AKAP9: variants seen among roughly 807,000 people sequenced by gnomAD.
AKAP9 encodes A-kinase anchoring protein 9, also known as A-kinase anchor protein 9.
AKAP9 carries 311 observed loss-of-function variants against 488.5 expected under a neutral mutation model. The ratio of observed to expected loss-of-function variants is 0.64; its 90% CI spans 0.58 to 0.70. AKAP9 has a LOEUF of 0.70. Ranked by LOEUF, AKAP9 falls within the 30% of genes least tolerant of loss-of-function variation. The pLI is 0.00. For synonymous variants in AKAP9, 1,462 were observed against 1,483.5 expected (o/e 0.99, Z 0.33); for missense variants, 4,215 against 4,374.5 (o/e 0.96, Z 1.03).
At chr7:91,980,495 C>CTTTTTTTTGTTTTTTT (rs1796258585) in intron 3 of AKAP9, among the ~76,000 whole-genome samples, 162 bp downstream of exon 3, 1 of 48,756 alleles carries the variant, frequency 2.1e-5, no homozygotes. Flanking sequence ...GTATTACTGA[C>CTTTTTTTTGTTTTTTT]TTTTTTTTTT....
chr7:92,075,645 G>A (rs114104516), intron 28 of AKAP9, among the ~76,000 whole-genome samples: 3,368 of 152,258 alleles, frequency 0.022, 143 homozygotes, highest in African/African-American at 0.077. Context: ...TCTCTGTGAC[G>A]TCCATCCTCA....
At chr7:92,102,857 A>G in intron 46 of AKAP9, 31 bp downstream of exon 46, 1 of 1,535,854 alleles carries the variant, frequency 6.5e-7, no homozygotes. Context: ...GCATTTTACT[A>G]GTAGACTCTC....
At chr7:92,088,037 A>T (rs1490884949) in intron 37 of AKAP9, among the ~76,000 whole-genome samples, 1 of 152,132 alleles carries the variant, frequency 6.6e-6, no homozygotes, top group Non-Finnish European at 1.5e-5. Context: ...TTCGCAACAG[A>T]TGCTAAAACT....
Position 92,065,213 on chromosome 7 carries a change from T to C in AKAP9, c.5978-18T>C. The C allele has an allele frequency of 6.8e-7, 1 of 1,471,664 alleles. No individual in the cohort carries two copies. Among genetic ancestry groups the C allele is most frequent in the East Asian group, 2.3e-5 (1 of 43,008 alleles). 91.2% of individuals were successfully genotyped at this position (1,471,664 alleles called of 1,614,324 possible). A position where few individuals can be genotyped will look rare whatever the true frequency, so the allele number is the denominator to read the frequency against. On this transcript the variant is annotated intron_variant, in intron 24 of 49. Coordinates refer to ENST00000356239, the MANE Select transcript of AKAP9 (RefSeq NM_005751.5). Reference sequence around the variant, plus strand: ...ATTAATTGTGATTTAATTCAGTATATTTTGTATTAATAAACAGAATTACTA... The same window carrying C: ...ATTAATTGTGATTTAATTCAGTATACTTTGTATTAATAAACAGAATTACTA...
At chr7:91,986,643 C>T (rs1174395875) in intron 3 of AKAP9, among the ~76,000 whole-genome samples, 1 of 152,064 alleles carries the variant, frequency 6.6e-6, no homozygotes, top group Non-Finnish European at 1.5e-5. Flanking sequence ...ATGGGAAATT[C>T]TTGTTATAAT....
intron 20 of AKAP9, 22 bp from the exon 21 acceptor site, chr7:92,044,986 C>T (rs1221080060): frequency 2.6e-6 from 4 of 1,561,766 alleles, no homozygotes; most frequent in Non-Finnish European, 3.5e-6. Flanking sequence ...ACATTTTAAT[C>T]AGTGCTTCTT....
At chr7:91,976,114 G>A (rs555990053) in intron 2 of AKAP9, among the ~76,000 whole-genome samples, 2 of 151,864 alleles carry the variant, frequency 1.3e-5, no homozygotes, top group South Asian at 4.2e-4. Flanking sequence ...GTAGAGATGG[G>A]GTTTCACCAT....
intron 45 of AKAP9, 58 bp downstream of exon 45, chr7:92,101,114 A>C: frequency 6.5e-7 from 1 of 1,535,128 alleles, no homozygotes; most frequent in Non-Finnish European, 8.9e-7. Flanking sequence ...GCCTTCTTTC[A>C]TCTCTCACTG....
chr7:91,996,519 A>G (rs1490853235), intron 7 of AKAP9, among the ~76,000 whole-genome samples: 1 of 152,086 alleles, frequency 6.6e-6, no homozygotes, highest in East Asian at 1.9e-4. Flanking sequence ...GGTCCTCTCC[A>G]TCCCTCTGGT....
rs1315219112 is a variant in AKAP9 at position 92,070,854 on chromosome 7, T to G, written c.6508-51T>G. The G allele has an allele frequency of 3.4e-6, 4 of 1,171,528 alleles. No homozygotes were observed. The East Asian group carries it at 1.0e-4, about 30-fold the overall frequency. The allele number at this position is 1,171,528 out of a possible 1,614,324, so 72.6% of individuals were successfully genotyped here. On this transcript the variant is annotated intron_variant, in intron 27 of 49. Coordinates refer to ENST00000356239, the MANE Select transcript of AKAP9 (RefSeq NM_005751.5). ...GACCAAAAAACAAAAAAAAACTGGATAATCAGGATTTAATTTATCAAATTT... is the reference window on the plus strand; with the variant it reads ...GACCAAAAAACAAAAAAAAACTGGAGAATCAGGATTTAATTTATCAAATTT...
rs1233431465 is a variant in AKAP9, at chr7:91,994,639, G to T, written c.595G>T (p.Ala199Ser). The change falls in exon 6 of 50, where the codon GCC (alanine) becomes TCC (serine). Residue 199 changes from alanine (A) to serine (S), a missense_variant. By Grantham distance (99) the Ala-to-Ser change is moderately conservative (BLOSUM62 1). Coordinates refer to ENST00000356239, the MANE Select transcript of AKAP9 (RefSeq NM_005751.5). The part of the protein sequence containing the change: ...GLQQLQEFEA[A>S]IKQRDGIITQ... ...CTTTCAGTTACAAGAATTTGAAGCTGCCATTAAACAAAGAGATGGCATTAT... is the reference window on the plus strand; with the variant it reads ...CTTTCAGTTACAAGAATTTGAAGCTTCCATTAAACAAAGAGATGGCATTAT... 3 of 1,612,498 alleles carry T rather than the reference G, an allele frequency of 1.9e-6. No homozygotes were observed. Among genetic ancestry groups the T allele is most frequent in the East Asian group, 2.2e-5 (1 of 44,734 alleles).
chr7:91,968,417 T>A (rs914027781), intron 1 of AKAP9, among the ~76,000 whole-genome samples: 7 of 152,198 alleles, frequency 4.6e-5, no homozygotes, highest in Admixed American at 2.0e-4. Context: ...GTAATGATTT[T>A]TGTATTTCTG....
At chr7:91,996,419 G>A (rs1429439969) in intron 7 of AKAP9, among the ~76,000 whole-genome samples, 1 of 151,990 alleles carries the variant, frequency 6.6e-6, no homozygotes, top group African/African-American at 2.4e-5. Context: ...ACTTGCCTGA[G>A]GCCACCCCAC....
At chr7:92,005,759 G>A (rs536353995) in intron 8 of AKAP9, among the ~76,000 whole-genome samples, 12 of 152,156 alleles carry the variant, frequency 7.9e-5, no homozygotes, top group African/African-American at 2.2e-4. Context: ...TCCGCCTCCC[G>A]GGTTCAATCA....
chr7:92,085,355 G>C (rs1485807887), intron 35 of AKAP9, 140 bp from the exon 36 acceptor site: 4 of 808,762 alleles, frequency 4.9e-6, no homozygotes, highest in Non-Finnish European at 6.1e-6. Context: ...CCCTCCACAG[G>C]AAGAAGGCAT....
At chr7:92,107,475 A>T in intron 48 of AKAP9, 53 bp downstream of exon 48, 4 of 1,564,766 alleles carry the variant, frequency 2.6e-6, no homozygotes, top group South Asian at 1.1e-5. Flanking sequence ...AATATTTAAC[A>T]GAGATAAATG....
intron 1 of AKAP9, among the ~76,000 whole-genome samples, chr7:91,951,937 A>G (rs1156360779): frequency 6.6e-6 from 1 of 152,170 alleles, no homozygotes; most frequent in East Asian, 1.9e-4. Flanking sequence ...TTTTCTTTCT[A>G]TTCTAATATT....
chr7:92,027,719 C>T (rs1364146391), intron 14 of AKAP9, among the ~76,000 whole-genome samples: 1 of 149,578 alleles, frequency 6.7e-6, no homozygotes, highest in Admixed American at 6.6e-5. Flanking sequence ...GTGAGGAGCG[C>T]CTCTGCCTGG....
chr7:92,073,915 CCCTAGAAGAAAA>C (rs1812141643), intron 28 of AKAP9, among the ~76,000 whole-genome samples: 1 of 152,160 alleles, frequency 6.6e-6, no homozygotes, highest in South Asian at 2.1e-4. Context: ...ACCATAAAAA[CCCTAGAAGAAAA>C]CCTAGGCAAT....
Sources: allele counts gnomAD v4.1 joint callset (sites outside exome capture counted in the v4.1 genomes callset), GRCh38; gene constraint gnomAD v4.1.1; transcripts MANE v1.5; gene names NCBI Gene and HGNC (gene_info 2026-07-23, HGNC 2026-07-21).